The following SEMA5A variants were observed in gnomAD, a reference collection of about 807,000 sequenced individuals.
SEMA5A encodes semaphorin-5A.
Under a neutral mutation model 135.5 loss-of-function variants are expected in SEMA5A, and 55 were observed. The ratio of observed to expected loss-of-function variants is 0.41; its 90% confidence interval spans 0.33 to 0.51. SEMA5A has a LOEUF of 0.51. SEMA5A is among the 20% of genes least tolerant of loss of function. The probability of loss-of-function intolerance (pLI) is 0.37; values close to 1 mark genes in which losing one functional copy is unlikely to be tolerated. For missense variants in SEMA5A, 1,290 were observed against 1,419.9 expected, an observed-to-expected ratio of 0.91 and a Z score of 1.47; for synonymous variants, 580 against 546.5, an observed-to-expected ratio of 1.06 and a Z score of -0.85.
At chr5:9,330,250 C>T (rs570687113) in intron 4 of SEMA5A, among the ~76,000 whole-genome samples, 91 of 151,962 alleles carry the variant, frequency 6.0e-4, no homozygotes, top group African/African-American at 2.0e-3. Flanking sequence ...ATTAGCCGGG[C>T]GTGGTAGCGG....
chr5:9,282,300 G>A lies in SEMA5A; in HGVS notation c.270+36072C>T, dbSNP rs182779068. ...GAAAGCAAAATTTAAAACAAATGAAGCAAAGAGGAAGTTGATTGGAAAGAC... is the reference window on the plus strand; with the variant it reads ...GAAAGCAAAATTTAAAACAAATGAAACAAAGAGGAAGTTGATTGGAAAGAC... On this transcript the variant is annotated intron_variant, in intron 5 of 22. Transcript: ENST00000382496. Among the ~76,000 whole-genome samples the A allele has an allele frequency of 3.3e-5, 5 of 152,230 alleles. No homozygotes were observed. In the East Asian group the frequency reaches 9.7e-4, roughly 29 times the overall value.
chr5:9,164,445 G>A (rs3797921), intron 11 of SEMA5A, among the ~76,000 whole-genome samples: 17,107 of 150,796 alleles, frequency 0.11, 1,064 homozygotes, highest in South Asian at 0.17. Flanking sequence ...ATTCTAATAC[G>A]GAAGCATTAT....
At chr5:9,276,955 G>C (rs956195206) in intron 5 of SEMA5A, among the ~76,000 whole-genome samples, 1 of 152,138 alleles carries the variant, frequency 6.6e-6, no homozygotes, top group African/African-American at 2.4e-5. Context: ...AGCCAAAAGA[G>C]ACAAATGGGA....
At chr5:9,071,677 A>G (rs1259200530) in intron 16 of SEMA5A, among the ~76,000 whole-genome samples, 1 of 152,156 alleles carries the variant, frequency 6.6e-6, no homozygotes, top group Non-Finnish European at 1.5e-5. Context: ...AGAGACAGAG[A>G]CAACCCAAGC....
At chr5:9,197,063 A>G in intron 10 of SEMA5A, 105 bp downstream of exon 10, 2 of 1,474,580 alleles carry the variant, frequency 1.4e-6, no homozygotes, top group South Asian at 1.3e-5. Flanking sequence ...AGACAGCTGC[A>G]TGGTGCATGC....
rs1443901785 is a variant in SEMA5A, at chr5:9,037,554, T to A, written c.*5343A>T. ...CTGCTAAAACAATGTGTACAATGCA[T>A]CTTTAATATAAGTCCATAGGAAAGG... is the stretch of plus-strand genomic sequence containing the variant. On this transcript the variant is annotated 3_prime_UTR_variant, in exon 23 of 23. Transcript: ENST00000382496. The A allele has an allele frequency of 6.6e-6, 1 of 152,220 alleles. No homozygotes were observed. The highest frequency in any genetic ancestry group is 1.5e-5 in the Non-Finnish European group (1 of 68,040). 9.4% of individuals were successfully genotyped at this position (152,220 alleles called of 1,614,324 possible). A position where few individuals can be genotyped will look rare whatever the true frequency, so the allele number is the denominator to read the frequency against.
intron 11 of SEMA5A, among the ~76,000 whole-genome samples, chr5:9,158,504 TAAA>T (rs3842073): frequency 1.9e-3 from 270 of 144,760 alleles, no homozygotes; most frequent in Non-Finnish European, 2.8e-3. Flanking sequence ...GATCAACAAG[TAAA>T]AAAAAAAAAA....
intron 18 of SEMA5A, among the ~76,000 whole-genome samples, chr5:9,056,206 C>T (rs191566476): frequency 1.2e-4 from 19 of 152,002 alleles, no homozygotes; most frequent in Admixed American, 1.1e-3. Context: ...GATGAATGGC[C>T]GACAAGTGTG....
chr5:9,206,383 T>G (rs1746016366), intron 8 of SEMA5A, among the ~76,000 whole-genome samples: 1 of 152,176 alleles, frequency 6.6e-6, no homozygotes, highest in Admixed American at 6.5e-5. Flanking sequence ...TTTTGCATAT[T>G]TACTTACATA....
chr5:9,177,457 A>G (rs529209359), intron 11 of SEMA5A, among the ~76,000 whole-genome samples: 8 of 152,360 alleles, frequency 5.3e-5, no homozygotes, highest in Admixed American at 4.6e-4. Flanking sequence ...TGTTCCTGAC[A>G]TAGCCTCATC....
At chr5:9,244,844 C>T (rs758011655) in intron 5 of SEMA5A, among the ~76,000 whole-genome samples, 3 of 152,206 alleles carry the variant, frequency 2.0e-5, no homozygotes, top group Non-Finnish European at 4.4e-5. Flanking sequence ...GTGGCAAAAA[C>T]ATCCCACAAG....
chr5:9,145,748 C>T (rs1489097688), intron 12 of SEMA5A, among the ~76,000 whole-genome samples: 3 of 151,398 alleles, frequency 2.0e-5, no homozygotes, highest in Admixed American at 6.6e-5. Context: ...AAGCAATTCC[C>T]CTGCCTCAGC....
chr5:9,230,158 C>CTTTTT (rs5865817), intron 6 of SEMA5A, among the ~76,000 whole-genome samples: 164 of 98,276 alleles, frequency 1.7e-3, no homozygotes, highest in East Asian at 3.4e-3. Flanking sequence ...CTATTTTTTT[C>CTTTTT]TTTTTTTTTT....
At chr5:9,153,544 C>T (rs1209082757) in intron 12 of SEMA5A, among the ~76,000 whole-genome samples, 1 of 152,066 alleles carries the variant, frequency 6.6e-6, no homozygotes, top group African/African-American at 2.4e-5. Flanking sequence ...TCCCTCCCTA[C>T]CCTCTCTGCA....
intron 1 of SEMA5A, among the ~76,000 whole-genome samples, chr5:9,543,975 A>C (rs1365578414): frequency 6.6e-6 from 1 of 152,202 alleles, no homozygotes; most frequent in Non-Finnish European, 1.5e-5. Flanking sequence ...GCTTGAACTG[A>C]AGTTGTGTAA....
chr5:9,302,602 G>C (rs550391684), intron 5 of SEMA5A, among the ~76,000 whole-genome samples: 1 of 152,270 alleles, frequency 6.6e-6, no homozygotes, highest in South Asian at 2.1e-4. Flanking sequence ...GTGCAAATAT[G>C]CAATGTTCAT....
chr5:9,259,231 G>A (rs193287882), intron 5 of SEMA5A, among the ~76,000 whole-genome samples: 3 of 152,192 alleles, frequency 2.0e-5, no homozygotes, highest in East Asian at 3.9e-4. Flanking sequence ...ACTGCTTCTG[G>A]GCAAAATTTG....
chr5:9,142,364 A>G (rs963755036), intron 12 of SEMA5A, among the ~76,000 whole-genome samples: 1 of 152,160 alleles, frequency 6.6e-6, no homozygotes, highest in African/African-American at 2.4e-5. Flanking sequence ...GAGTTTGAAG[A>G]ACTGGTAAAA....
At chr5:9,047,345 TTTATGATGA>T (rs1392064409) in intron 21 of SEMA5A, among the ~76,000 whole-genome samples, 1 of 152,222 alleles carries the variant, frequency 6.6e-6, no homozygotes, top group East Asian at 1.9e-4. Flanking sequence ...AGCTGACATC[TTTATGATGA>T]TTATATAGTC....
Sources: gnomAD v4.1 joint callset for allele counts (sites outside exome capture counted in the v4.1 genomes callset) on GRCh38, gnomAD v4.1.1 for gene constraint, MANE v1.5 for transcripts, NCBI Gene and HGNC (gene_info 2026-07-23, HGNC 2026-07-21) for gene names.